Variants in GLS observed in about 807,000 individuals in gnomAD.
The protein encoded by GLS is glutaminase, also known as glutaminase kidney isoform, mitochondrial.
In GLS, 36 loss-of-function variants were observed where a neutral mutation model predicts 86.7. The observed-to-expected ratio is 0.42, with a 90% confidence interval of 0.32 to 0.55. The LOEUF (loss-of-function observed/expected upper bound fraction) is 0.55, where lower values mean the gene tolerates loss of function less well. GLS is among the 20% of genes least tolerant of loss of function. The pLI is 0.17. For synonymous variants in GLS, 317 were observed against 305.9 expected (o/e 1.04, Z -0.38); for missense variants, 528 against 833.4 (o/e 0.63, Z 4.51).
intron 17 of GLS, among the ~76,000 whole-genome samples, chr2:190,960,209 TA>T (rs1044239647): frequency 3.3e-5 from 5 of 152,080 alleles, no homozygotes; most frequent in African/African-American, 9.7e-5. Flanking sequence ...GTAATGAGAA[TA>T]AAAGTTTAGA....
chr2:190,941,087 C>T (rs1381718390), intron 14 of GLS, among the ~76,000 whole-genome samples: 1 of 152,094 alleles, frequency 6.6e-6, no homozygotes, highest in Non-Finnish European at 1.5e-5. Context: ...TCTTATTCAA[C>T]TAATGTTTAT....
At position 190,897,232 on chromosome 2, in the gene GLS, C is replaced by T. The variant is rs1688773462; in HGVS notation, c.605+1507C>T. On this transcript the variant is annotated intron_variant, in intron 3 of 17. Coordinates refer to ENST00000320717, the MANE Select transcript of GLS (RefSeq NM_014905.5). This position sits in a 1 kb window ranked among gnomAD's most constrained non-coding sequence, Gnocchi z 4.3. ...GTGAGACGGGGTTTCACCACGTTGT[C>T]CAGGCTGGTCTCGAACTCCTGACCT... 6.6e-6 allele frequency among the ~76,000 whole-genome samples: 1 copy of T among 152,192 alleles called. No homozygotes were observed. Among genetic ancestry groups the T allele is most frequent in the East Asian group, 1.9e-4 (1 of 5,188 alleles).
At position 190,924,310 on chromosome 2, in the gene GLS, G is replaced by C. The variant is rs1383977133; in HGVS notation, c.1198-233G>C. ...TTTTAAGTGGCTGGTCTAGTAACTT[G>C]ATTTATAAATCATGAATCATTTTAT... On this transcript the variant is annotated intron_variant, in intron 10 of 17. Coordinates refer to ENST00000320717, the MANE Select transcript of GLS (RefSeq NM_014905.5). This position sits in a 1 kb window ranked among gnomAD's most constrained non-coding sequence, Gnocchi z 5.2. Among the ~76,000 whole-genome samples the C allele has an allele frequency of 2.0e-5, 3 of 151,980 alleles. No individual in the cohort carries two copies. Among genetic ancestry groups the C allele is most frequent in the Admixed American group, 2.0e-4 (3 of 15,258 alleles).
chr2:190,906,931 G>GTT (rs1347731167), intron 6 of GLS, among the ~76,000 whole-genome samples: 16 of 140,010 alleles, frequency 1.1e-4, no homozygotes, highest in Non-Finnish European at 1.3e-4. Flanking sequence ...AATTGTAGTA[G>GTT]TTTTTTTTTT....
At position 190,964,437 on chromosome 2, in the gene GLS, T is replaced by TC. The variant is rs58157042; in HGVS notation, c.*1452dup. 1 of 151,942 alleles carries TC rather than the reference T, an allele frequency of 6.6e-6. No individual in the cohort carries two copies. Among genetic ancestry groups the TC allele is most frequent in the African/African-American group, 2.4e-5 (1 of 41,190 alleles). 9.4% of individuals were successfully genotyped at this position (151,942 alleles called of 1,614,324 possible). ...CACATACAGCAAATTCCTTTTTTTT[T>TC]CTTTTTCTATGAGCACACTCTGCTG... On this transcript the variant is annotated 3_prime_UTR_variant, in exon 18 of 18. Transcript: ENST00000320717. This position sits in a 1 kb window ranked among gnomAD's most constrained non-coding sequence, Gnocchi z 5.2.
Position 190,934,914 on chromosome 2 carries a change from A to C in GLS, c.1650+3277A>C, listed in dbSNP as rs1048054740. ...AGGCCCTCAAACTTAAAAAAGAAAA[A>C]ACTTTGCCAGTTTTAAGGACATATT... On this transcript the variant is annotated intron_variant, in intron 14 of 17. Transcript: ENST00000320717. The C allele has an allele frequency of 4.1e-6, 4 of 976,912 alleles. No individual in the cohort carries two copies. In the African/African-American group the frequency reaches 7.0e-5, roughly 17 times the overall value. The allele number at this position is 976,912 out of a possible 1,614,324, so 60.5% of individuals were successfully genotyped here.
intron 6 of GLS, among the ~76,000 whole-genome samples, chr2:190,909,275 G>A (rs1049224992): frequency 3.3e-5 from 5 of 152,062 alleles, no homozygotes; most frequent in Admixed American, 6.5e-5. Context: ...ATTGTGGAAT[G>A]GCTAAATCAA....
intron 14 of GLS, chr2:190,934,697 T>C (rs1048624153): frequency 1.0e-6 from 1 of 969,638 alleles, no homozygotes. Context: ...TCATATCGTA[T>C]ACATAGCTGT....
rs945692062 is a variant in GLS, at chr2:190,924,274, A to G, written c.1198-269A>G. On this transcript the variant is annotated intron_variant, in intron 10 of 17. Coordinates refer to ENST00000320717, the MANE Select transcript of GLS (RefSeq NM_014905.5). The surrounding 1 kb of genome is among the most constrained non-coding windows in gnomAD (Gnocchi z 5.2). ...GCATGATGCCTGATTACTGTTAACTACTCTTGATTTTTTTAAGTGGCTGGT... is the reference window on the plus strand; with the variant it reads ...GCATGATGCCTGATTACTGTTAACTGCTCTTGATTTTTTTAAGTGGCTGGT... Among the ~76,000 whole-genome samples, 1 of 151,790 alleles carries G rather than the reference A, an allele frequency of 6.6e-6. No individual in the cohort carries two copies. The highest frequency in any genetic ancestry group is 1.5e-5 in the Non-Finnish European group (1 of 67,924).
intron 14 of GLS, among the ~76,000 whole-genome samples, chr2:190,945,027 G>A (rs1453834387): frequency 6.6e-6 from 1 of 150,680 alleles, no homozygotes; most frequent in African/African-American, 2.4e-5. Context: ...TTGTATTATT[G>A]AGGAAGTCCC....
rs1285737822 is a variant in GLS at position 190,965,390 on chromosome 2, G to GA, written c.*2405dup. The GA allele has an allele frequency of 7.2e-5, 11 of 152,638 alleles. No homozygotes were observed. The East Asian group carries it at 2.1e-3, about 29-fold the overall frequency. The allele number at this position is 152,638 out of a possible 1,614,324, so 9.5% of individuals were successfully genotyped here. On this transcript the variant is annotated 3_prime_UTR_variant, in exon 18 of 18. Coordinates refer to ENST00000320717, the MANE Select transcript of GLS (RefSeq NM_014905.5). The surrounding 1 kb of genome is among the most constrained non-coding windows in gnomAD (Gnocchi z 5.0). ...ATGTCAGATTTAGATTCTTCCTGGG[G>GA]ATTACACAGCTATGAATGTATTTGC...
In GLS at chr2:190,953,409, T is replaced by A. The variant is rs3771303; in HGVS notation, c.1651-156T>A. ...TTAAAAGAAGAAAGTATCACACACG[T>A]GGGTTCTTTTGGCTATGGAAGTGTC... is the stretch of plus-strand genomic sequence containing the variant. On this transcript the variant is annotated intron_variant, in intron 14 of 17. Coordinates refer to ENST00000320717, the MANE Select transcript of GLS (RefSeq NM_014905.5). The surrounding 1 kb of genome is among the most constrained non-coding windows in gnomAD (Gnocchi z 4.0). 4.9e-4 allele frequency among the ~76,000 whole-genome samples: 75 copies of A among 152,286 alleles called. No individual in the cohort carries two copies. The East Asian group carries it at 9.1e-3, about 18-fold the overall frequency.
At chr2:190,881,858 A>G (rs772308593) in intron 1 of GLS, 1 of 180,934 alleles carries the variant, frequency 5.5e-6, no homozygotes, top group Non-Finnish European at 1.2e-5. Flanking sequence ...GCGATGCTGC[A>G]CGAACATCTC....
chr2:190,883,673 A>G (rs769007648), intron 1 of GLS, among the ~76,000 whole-genome samples: 1 of 152,198 alleles, frequency 6.6e-6, no homozygotes, highest in Non-Finnish European at 1.5e-5. Flanking sequence ...TTTAGTTTCC[A>G]CAAAAATGTT....
Position 190,930,414 on chromosome 2 carries a change from C to T in GLS, c.1426-23C>T. 1.2e-5 allele frequency: 19 copies of T among 1,565,472 alleles called. No homozygotes were observed. The highest frequency in any genetic ancestry group is 1.7e-5 in the Non-Finnish European group (19 of 1,136,160). ...TTATTTTAAAATGTTTACCTGAATACTCTTTTACTGAATTATTTTTAGGTT... is the reference window on the plus strand; with the variant it reads ...TTATTTTAAAATGTTTACCTGAATATTCTTTTACTGAATTATTTTTAGGTT... On this transcript the variant is annotated intron_variant, in intron 12 of 17. Transcript: ENST00000320717. The surrounding 1 kb of genome is among the most constrained non-coding windows in gnomAD (Gnocchi z 5.0).
chr2:190,920,893 G>A lies in GLS; in HGVS notation c.1039-131G>A, dbSNP rs1289237799. ...TTTATATAAATGTTAAATTACTTTA[G>A]AACTATTTCCTAGATTTAAAAATAC... On this transcript the variant is annotated intron_variant, in intron 7 of 17. Coordinates refer to ENST00000320717, the MANE Select transcript of GLS (RefSeq NM_014905.5). This position sits in a 1 kb window ranked among gnomAD's most constrained non-coding sequence, Gnocchi z 4.2. 2 of 569,724 alleles carry A rather than the reference G, an allele frequency of 3.5e-6. No individual in the cohort carries two copies. The highest frequency in any genetic ancestry group is 6.4e-6 in the Non-Finnish European group (2 of 314,724). The allele number at this position is 569,724 out of a possible 1,614,324, so 35.3% of individuals were successfully genotyped here. A position where few individuals can be genotyped will look rare whatever the true frequency, so the allele number is the denominator to read the frequency against.
intron 17 of GLS, among the ~76,000 whole-genome samples, chr2:190,958,538 T>C (rs1181367027): frequency 6.6e-6 from 1 of 152,230 alleles, no homozygotes; most frequent in South Asian, 2.1e-4. Context: ...CCTTTCCTGC[T>C]TACTCTTGTG....
intron 1 of GLS, among the ~76,000 whole-genome samples, chr2:190,886,018 C>T (rs182046188): frequency 3.6e-4 from 55 of 152,142 alleles, no homozygotes; most frequent in African/African-American, 1.3e-3. Flanking sequence ...GACTTACAGG[C>T]ACGTGCCACC....
At chr2:190,928,140 CT>C (rs1381079343) in intron 12 of GLS, among the ~76,000 whole-genome samples, 2 of 151,984 alleles carry the variant, frequency 1.3e-5, no homozygotes, top group Non-Finnish European at 2.9e-5. Context: ...TCTGTTTCCC[CT>C]ATCCTTGTCA....
Sources: allele counts gnomAD v4.1 joint callset (sites outside exome capture counted in the v4.1 genomes callset), GRCh38; gene constraint gnomAD v4.1.1; non-coding constraint Gnocchi (gnomAD v3.1); transcripts MANE v1.5; gene names NCBI Gene and HGNC (gene_info 2026-07-23, HGNC 2026-07-21).